SLC35F1: variants seen among roughly 807,000 people sequenced by gnomAD.
SLC35F1 encodes the protein solute carrier family 35 member F1, also known as chromosome 6 open reading frame 169.
In SLC35F1, 14 loss-of-function variants were observed where a neutral mutation model predicts 48.7. That is an observed-to-expected ratio of 0.29 (90% CI 0.19 to 0.45). The LOEUF (loss-of-function observed/expected upper bound fraction) is 0.45, where lower values mean the gene tolerates loss of function less well. Among genes scored for constraint, SLC35F1 ranks in the 20% least tolerant of loss-of-function variants. The pLI is 1.00. For missense variants in SLC35F1, 404 were observed against 500.0 expected (o/e 0.81, Z 1.83); for synonymous variants, 190 against 202.2 (o/e 0.94, Z 0.51).
In SLC35F1 at chr6:118,007,027, GTTGT is replaced by G. The variant is rs1006994781; in HGVS notation, c.173+99131_173+99134del. Among the ~76,000 whole-genome samples, 57 of 126,668 alleles carry G rather than the reference GTTGT, an allele frequency of 4.5e-4. 1 individual carries two copies. The South Asian group carries it at 9.4e-3, about 21-fold the overall frequency. 83.1% of individuals were successfully genotyped at this position (126,668 alleles called of 152,430 possible). A position where few individuals can be genotyped will look rare whatever the true frequency, so the allele number is the denominator to read the frequency against. On this transcript the variant is annotated intron_variant, in intron 1 of 7. Transcript: ENST00000360388. ...AGTGTTTATTAATTTGACAACACAT[GTTGT>G]TTTTTTTTTTTACCACTGTCTTAAT...
chr6:118,303,101 A>G (rs942731875), intron 7 of SLC35F1, among the ~76,000 whole-genome samples: 3 of 152,078 alleles, frequency 2.0e-5, no homozygotes, highest in Non-Finnish European at 4.4e-5. Context: ...TCTTGCCACC[A>G]CCAGGTACAT....
At chr6:118,054,053 A>G (rs1772428816) in intron 1 of SLC35F1, among the ~76,000 whole-genome samples, 1 of 152,172 alleles carries the variant, frequency 6.6e-6, no homozygotes, top group South Asian at 2.1e-4. Context: ...TTCTTTGATA[A>G]TTGGTAAGGC....
chr6:118,235,407 G>A, intron 2 of SLC35F1, 102 bp from the exon 3 acceptor site: 1 of 1,118,004 alleles, frequency 8.9e-7, no homozygotes, highest in South Asian at 1.9e-5. Flanking sequence ...GTAAACTTTA[G>A]GTTAAAAATA....
intron 1 of SLC35F1, among the ~76,000 whole-genome samples, chr6:118,003,510 G>A (rs1777133719): frequency 6.6e-6 from 1 of 152,180 alleles, no homozygotes; most frequent in Non-Finnish European, 1.5e-5. Flanking sequence ...TGAGGTCTGG[G>A]CACTAATGTG....
At chr6:117,946,435 A>G (rs2114823751) in intron 1 of SLC35F1, among the ~76,000 whole-genome samples, 1 of 152,320 alleles carries the variant, frequency 6.6e-6, no homozygotes, top group Non-Finnish European at 1.5e-5. Flanking sequence ...AGATTGATGC[A>G]TCTGCTCACA....
At chr6:117,937,727 A>G (rs1776178220) in intron 1 of SLC35F1, among the ~76,000 whole-genome samples, 1 of 152,200 alleles carries the variant, frequency 6.6e-6, no homozygotes, top group African/African-American at 2.4e-5. Context: ...CTTAGAGATT[A>G]TGAGTACACT....
intron 3 of SLC35F1, among the ~76,000 whole-genome samples, chr6:118,251,263 C>T (rs1014136057): frequency 6.6e-6 from 1 of 152,030 alleles, no homozygotes; most frequent in African/African-American, 2.4e-5. Flanking sequence ...TCAAGAAAGA[C>T]CATGGTATGT....
intron 1 of SLC35F1, among the ~76,000 whole-genome samples, chr6:118,145,096 A>T (rs1437265229): frequency 6.6e-6 from 1 of 152,202 alleles, no homozygotes; most frequent in African/African-American, 2.4e-5. Context: ...ATCACCTCAA[A>T]AAGAAATTCG....
Position 118,260,253 on chromosome 6 carries a change from T to C in SLC35F1, c.478-6742T>C, listed in dbSNP as rs1245590145. Among the ~76,000 whole-genome samples, 4 of 152,090 alleles carry C rather than the reference T, an allele frequency of 2.6e-5. No homozygotes were observed. The East Asian group carries it at 7.7e-4, about 29-fold the overall frequency. On this transcript the variant is annotated intron_variant, in intron 3 of 7. Coordinates refer to ENST00000360388, the MANE Select transcript of SLC35F1 (RefSeq NM_001029858.4). ...AATGTACAGTAACTGCTAGTGGGTA[T>C]GGAGTTTCTTTTGAGGATGGTGAAA...
chr6:118,119,511 C>CTT (rs1243496744), intron 1 of SLC35F1, among the ~76,000 whole-genome samples: 1 of 115,256 alleles, frequency 8.7e-6, no homozygotes, highest in Non-Finnish European at 1.8e-5. Context: ...CTCCACCCCG[C>CTT]TTTTTTTTTT....
At chr6:118,181,862 TTTAG>T (rs1204460779) in intron 2 of SLC35F1, among the ~76,000 whole-genome samples, 3 of 152,106 alleles carry the variant, frequency 2.0e-5, no homozygotes, top group Admixed American at 6.6e-5. Flanking sequence ...TTGATTAAAT[TTTAG>T]TTAGAGTTAA....
chr6:118,087,570 GC>G (rs897455943), intron 1 of SLC35F1, among the ~76,000 whole-genome samples: 49 of 152,190 alleles, frequency 3.2e-4, no homozygotes, highest in African/African-American at 1.2e-3. Context: ...GATTGTCTCT[GC>G]TGATGTGCTC....
chr6:118,223,283 C>G (rs1775174743), intron 2 of SLC35F1, among the ~76,000 whole-genome samples: 1 of 152,218 alleles, frequency 6.6e-6, no homozygotes, highest in Admixed American at 6.5e-5. Flanking sequence ...ATTTCATGAT[C>G]TGAAAAATAC....
intron 1 of SLC35F1, among the ~76,000 whole-genome samples, chr6:118,146,921 G>A (rs1205703038): frequency 6.6e-6 from 1 of 152,186 alleles, no homozygotes; most frequent in Non-Finnish European, 1.5e-5. Flanking sequence ...GATGTGCACA[G>A]ATCAGTATCT....
intron 1 of SLC35F1, among the ~76,000 whole-genome samples, chr6:118,037,519 G>T (rs905828179): frequency 6.6e-6 from 1 of 151,800 alleles, no homozygotes; most frequent in East Asian, 1.9e-4. Context: ...ATTTTGGGGG[G>T]GTTACTTTGA....
chr6:118,078,228 G>T (rs577178499), intron 1 of SLC35F1, among the ~76,000 whole-genome samples: 2 of 152,014 alleles, frequency 1.3e-5, no homozygotes, highest in Non-Finnish European at 1.5e-5. Context: ...CAAAAAGTAC[G>T]TTCCCACATA....
intron 2 of SLC35F1, among the ~76,000 whole-genome samples, chr6:118,174,235 G>A (rs1453190772): frequency 6.6e-6 from 1 of 152,124 alleles, no homozygotes; most frequent in Admixed American, 6.6e-5. Context: ...GTAATCAATA[G>A]AAGCAGACCC....
intron 1 of SLC35F1, among the ~76,000 whole-genome samples, chr6:117,990,930 T>A (rs1776911692): frequency 6.6e-6 from 1 of 152,180 alleles, no homozygotes; most frequent in Admixed American, 6.5e-5. Flanking sequence ...TAATGAGATT[T>A]GTTCAACTTT....
intron 1 of SLC35F1, among the ~76,000 whole-genome samples, chr6:118,108,255 G>T (rs1226064704): frequency 6.6e-6 from 1 of 152,132 alleles, no homozygotes; most frequent in Admixed American, 6.6e-5. Context: ...GTACAGGTTT[G>T]CTAGTTCTAT....
Sources: gnomAD v4.1 joint callset for allele counts (sites outside exome capture counted in the v4.1 genomes callset) on GRCh38, gnomAD v4.1.1 for gene constraint, MANE v1.5 for transcripts, NCBI Gene and HGNC (gene_info 2026-07-23, HGNC 2026-07-21) for gene names.